Variants in TRIB3 observed in about 807,000 individuals in gnomAD.
TRIB3 encodes tribbles homolog 3.
A neutral mutation model predicts 16.6 loss-of-function variants in TRIB3; 20 were observed. The ratio of observed to expected loss-of-function variants is 1.20; its 90% CI spans 0.85 to 1.75. TRIB3 has a LOEUF of 1.75. Ranked by LOEUF, TRIB3 falls within the 40% of genes most tolerant of loss-of-function variation. The pLI, the probability that TRIB3 is intolerant of heterozygous loss-of-function variation, is 0.00. For synonymous variants in TRIB3, 208 were observed against 217.0 expected (o/e 0.96, Z 0.36); for missense variants, 484 against 488.9 (o/e 0.99, Z 0.10).
intron 1 of TRIB3, among the ~76,000 whole-genome samples, chr20:387,034 A>G (rs546529448): frequency 1.1e-4 from 16 of 149,876 alleles, no homozygotes; most frequent in East Asian, 1.0e-3. Context: ...TACAGGCGTG[A>G]GCCACCACGC....
rs199876142 is a variant in TRIB3, at chr20:388,145, C to A, written c.135C>A (p.Pro45=). Residue 45 remains proline (P), a synonymous_variant, in exon 2 of 4, where the codon CCC becomes CCA. Coordinates refer to ENST00000217233, the MANE Select transcript of TRIB3 (RefSeq NM_021158.5). The stretch of plus-strand genomic sequence containing the variant: ...GTGGGCCCCAGCCCAGACTGCCCCC[C>A]TGCCTGTTGCCCCTGAGCCCACCTA... ...ARSGPQPRLP[P]CLLPLSPPTA... The A allele has an allele frequency of 1.1e-5, 17 of 1,614,134 alleles. 1 individual carries two copies. The East Asian group carries it at 3.6e-4, about 34-fold the overall frequency.
Position 396,722 on chromosome 20 carries a change from G to GTGGAT in TRIB3, c.*35_*39dup, listed in dbSNP as rs2015142417. ...CCTACTACACGCTCAGCTGCCAACAGTGGATTGAGTTTGGGGGTAGCTCCA... is the reference window on the plus strand; with the variant it reads ...CCTACTACACGCTCAGCTGCCAACAGTGGATTGGATTGAGTTTGGGGGTAGCTCCA... On this transcript the variant is annotated 3_prime_UTR_variant, in exon 4 of 4. Coordinates refer to ENST00000217233, the MANE Select transcript of TRIB3 (RefSeq NM_021158.5). 6.4e-7 allele frequency: 1 copy of GTGGAT among 1,568,914 alleles called. No individual in the cohort carries two copies. The highest frequency in any genetic ancestry group is 8.7e-7 in the Non-Finnish European group (1 of 1,155,980).
intron 1 of TRIB3, among the ~76,000 whole-genome samples, chr20:381,890 G>A (rs2122652199): frequency 6.6e-6 from 1 of 152,304 alleles, no homozygotes; most frequent in South Asian, 2.1e-4. Context: ...CTGCAGACCG[G>A]GGAGGGCGGG....
chr20:391,411 G>A lies in TRIB3; in HGVS notation c.416G>A (p.Arg139Gln), dbSNP rs199753662. The A allele has an allele frequency of 7.5e-5, 121 of 1,613,822 alleles. No individual in the cohort carries two copies. Among genetic ancestry groups the A allele is most frequent in the Middle Eastern group, 5.0e-4 (3 of 6,060 alleles). Reference sequence around the variant, plus strand: ...CAGCTCCTCTACGCCTTTTTCACTCGGACCCATGGGGACATGCACAGCCTG... The same window carrying A: ...CAGCTCCTCTACGCCTTTTTCACTCAGACCCATGGGGACATGCACAGCCTG... Reference protein sequence around the residue: ...GTQLLYAFFTRTHGDMHSLVR... With the variant: ...GTQLLYAFFTQTHGDMHSLVR... Residue 139 changes from arginine to glutamine, a missense_variant, in exon 3 of 4, where the codon CGG becomes CAG. Coordinates refer to ENST00000217233, the MANE Select transcript of TRIB3 (RefSeq NM_021158.5).
At position 386,147 on chromosome 20, in the gene TRIB3, G is replaced by A. The variant is rs1004621154; in HGVS notation, c.1-1864G>A. Among the ~76,000 whole-genome samples, 12 of 152,008 alleles carry A rather than the reference G, an allele frequency of 7.9e-5. No individual in the cohort carries two copies. The East Asian group carries it at 2.1e-3, about 27-fold the overall frequency. ...CCAAAGTGCTAGGATTACAGGTGTG[G>A]GCCACTGCACCTAGCCTTGGACGTG... On this transcript the variant is annotated intron_variant, in intron 1 of 3. Coordinates refer to ENST00000217233, the MANE Select transcript of TRIB3 (RefSeq NM_021158.5).
chr20:382,099 CTGTGTGTGTGTG>C (rs5839857), intron 1 of TRIB3, among the ~76,000 whole-genome samples: 4 of 142,258 alleles, frequency 2.8e-5, no homozygotes, highest in Non-Finnish European at 6.2e-5. Flanking sequence ...GCTGGGAGGG[CTGTGTGTGTGTG>C]TGTGTGTGTG....
rs1213123494 is a variant in TRIB3, at chr20:396,435, C to A, written c.822C>A (p.Arg274=). The part of the protein sequence containing the change: ...SEPVLLFGKI[R]RGAYALPAGL... ...CTGTCCTGCTCTTCGGCAAGATCCG[C>A]CGCGGGGCCTACGCCTTGCCTGCAG... The change falls in exon 4 of 4, where the codon CGC becomes CGA. Residue 274 remains arginine, a synonymous_variant. Coordinates refer to ENST00000217233, the MANE Select transcript of TRIB3 (RefSeq NM_021158.5). 1.2e-6 allele frequency: 2 copies of A among 1,612,914 alleles called. No individual in the cohort carries two copies. Among genetic ancestry groups the A allele is most frequent in the South Asian group, 2.2e-5 (2 of 91,086 alleles).
At chr20:392,189 C>G (rs1414587238) in intron 3 of TRIB3, among the ~76,000 whole-genome samples, 1 of 152,078 alleles carries the variant, frequency 6.6e-6, no homozygotes, top group Non-Finnish European at 1.5e-5. Context: ...GTTATTATCC[C>G]CATATGATCA....
chr20:390,962 A>G (rs928015547), intron 2 of TRIB3, among the ~76,000 whole-genome samples: 9 of 135,034 alleles, frequency 6.7e-5, no homozygotes, highest in East Asian at 4.7e-4. Context: ...AGATTGCGCC[A>G]GTGTGCTCCA....
intron 3 of TRIB3, among the ~76,000 whole-genome samples, chr20:394,416 C>A (rs137978894): frequency 6.6e-6 from 1 of 152,162 alleles, no homozygotes; most frequent in Non-Finnish European, 1.5e-5. Context: ...TAAGCTAGTA[C>A]ATAACTTCAA....
At position 396,695 on chromosome 20, in the gene TRIB3, AC is replaced by A; in HGVS notation, c.*8del. The A allele has an allele frequency of 6.3e-7, 1 of 1,593,670 alleles. No homozygotes were observed. The highest frequency in any genetic ancestry group is 1.1e-5 in the South Asian group (1 of 89,426). On this transcript the variant is annotated 3_prime_UTR_variant, in exon 4 of 4. Coordinates refer to ENST00000217233, the MANE Select transcript of TRIB3 (RefSeq NM_021158.5). ...GAAGTGGTTCTGTATGGCTAGGACC[AC>A]CCTACTACACGCTCAGCTGCCAACA...
At chr20:390,221 G>A (rs1478674005) in intron 2 of TRIB3, among the ~76,000 whole-genome samples, 8 of 152,068 alleles carry the variant, frequency 5.3e-5, no homozygotes, top group East Asian at 1.9e-4. Flanking sequence ...CCAGCTACTC[G>A]AGAGGCTGAG....
At chr20:384,518 C>T (rs983327760) in intron 1 of TRIB3, among the ~76,000 whole-genome samples, 1 of 152,122 alleles carries the variant, frequency 6.6e-6, no homozygotes, top group Non-Finnish European at 1.5e-5. Flanking sequence ...CATGCACCAC[C>T]ATGCCCACCT....
At position 391,275 on chromosome 20, in the gene TRIB3, C is replaced by T. The variant is rs991325358; in HGVS notation, c.292-12C>T. The T allele has an allele frequency of 7.5e-6, 12 of 1,609,108 alleles. No homozygotes were observed. The African/African-American group carries it at 1.5e-4, about 20-fold the overall frequency. On this transcript the variant is annotated splice_polypyrimidine_tract_variant and intron_variant, in intron 2 of 3. Coordinates refer to ENST00000217233, the MANE Select transcript of TRIB3 (RefSeq NM_021158.5). ...AGTCCCCAGCTGTGCTAACACCATG[C>T]TCTGCCCACAGGTGTACCCCGTCCA...
rs6084298 is a variant in TRIB3 at position 391,370 on chromosome 20, G to T, written c.375G>T (p.Glu125Asp). ...ACAAGCATGTGGCTCGGCCCACTGA[G>T]GTCCTGGCTGGTACCCAGCTCCTCT... Reference protein sequence around the residue: ...PPHKHVARPTEVLAGTQLLYA... With the variant: ...PPHKHVARPTDVLAGTQLLYA... Residue 125 changes from glutamate to aspartate, a missense_variant, in exon 3 of 4, where the codon GAG becomes GAT. Transcript: ENST00000217233. 9.3e-6 allele frequency: 15 copies of T among 1,613,394 alleles called. No homozygotes were observed. The highest frequency in any genetic ancestry group is 1.2e-5 in the Non-Finnish European group (14 of 1,180,028).
At chr20:390,597 C>T (rs1356449358) in intron 2 of TRIB3, among the ~76,000 whole-genome samples, 1 of 152,190 alleles carries the variant, frequency 6.6e-6, no homozygotes, top group African/African-American at 2.4e-5. Flanking sequence ...GTGCCTTCTG[C>T]ATCATCCGCC....
intron 2 of TRIB3, among the ~76,000 whole-genome samples, chr20:390,273 A>G (rs1291514782): frequency 6.6e-6 from 1 of 151,882 alleles, no homozygotes; most frequent in Admixed American, 6.6e-5. Context: ...GGTTGCAGTG[A>G]GCCGAGATCA....
At position 396,440 on chromosome 20, in the gene TRIB3, G is replaced by C. The variant is rs773160631; in HGVS notation, c.827G>C (p.Gly276Ala). Reference protein sequence around the residue: ...PVLLFGKIRRGAYALPAGLSA... With the variant: ...PVLLFGKIRRAAYALPAGLSA... ...CTGCTCTTCGGCAAGATCCGCCGCGGGGCCTACGCCTTGCCTGCAGGCCTC... is the reference window on the plus strand; with the variant it reads ...CTGCTCTTCGGCAAGATCCGCCGCGCGGCCTACGCCTTGCCTGCAGGCCTC... Residue 276 changes from glycine to alanine, a missense_variant, in exon 4 of 4, where the codon GGG becomes GCG. Physicochemically the swap from Gly to Ala is moderately conservative, Grantham distance 60 (BLOSUM62 0). Coordinates refer to ENST00000217233, the MANE Select transcript of TRIB3 (RefSeq NM_021158.5). The C allele has an allele frequency of 6.2e-7, 1 of 1,612,810 alleles. No individual in the cohort carries two copies. Among genetic ancestry groups the C allele is most frequent in the East Asian group, 2.2e-5 (1 of 44,876 alleles).
chr20:396,441 G>A lies in TRIB3; in HGVS notation c.828G>A (p.Gly276=), dbSNP rs746757202. The stretch of plus-strand genomic sequence containing the variant: ...TGCTCTTCGGCAAGATCCGCCGCGG[G>A]GCCTACGCCTTGCCTGCAGGCCTCT... ...PVLLFGKIRR[G]AYALPAGLSA... is the part of the protein sequence containing the mutation. The change falls in exon 4 of 4, where the codon GGG becomes GGA. Residue 276 remains glycine, a synonymous_variant. Coordinates refer to ENST00000217233, the MANE Select transcript of TRIB3 (RefSeq NM_021158.5). 6 of 1,612,844 alleles carry A rather than the reference G, an allele frequency of 3.7e-6. No individual in the cohort carries two copies. In the South Asian group the frequency reaches 5.5e-5, roughly 15 times the overall value.
Sources: gnomAD v4.1 joint callset for allele counts (sites outside exome capture counted in the v4.1 genomes callset) on GRCh38, gnomAD v4.1.1 for gene constraint, MANE v1.5 for transcripts, NCBI Gene and HGNC (gene_info 2026-07-23, HGNC 2026-07-21) for gene names.